RBM27: variants seen among roughly 807,000 people sequenced by gnomAD.
RBM27 encodes the protein RNA-binding protein 27.
RBM27 carries 22 observed loss-of-function variants against 135.3 expected under a neutral mutation model. The ratio of observed to expected loss-of-function variants is 0.16; its 90% CI spans 0.12 to 0.23. The LOEUF (loss-of-function observed/expected upper bound fraction) is 0.23. RBM27 is among the 10% of genes least tolerant of loss of function. The pLI, the probability that RBM27 is intolerant of heterozygous loss-of-function variation, is 1.00. For missense variants in RBM27, 1,009 were observed against 1,281.0 expected (o/e 0.79, Z 3.24); for synonymous variants, 481 against 442.4 (o/e 1.09, Z -1.10).
chr5:146,233,265 A>G (rs1757015155), intron 6 of RBM27, among the ~76,000 whole-genome samples, 185 bp from the exon 7 acceptor site: 1 of 152,222 alleles, frequency 6.6e-6, no homozygotes, highest in South Asian at 2.1e-4. Context: ...TGTAAAAAGT[A>G]GAGAGTACAT....
At chr5:146,275,465 A>G (rs1428679275) in intron 19 of RBM27, among the ~76,000 whole-genome samples, 2 of 151,778 alleles carry the variant, frequency 1.3e-5, no homozygotes, top group Non-Finnish European at 2.9e-5. Flanking sequence ...GACGGGTTTC[A>G]CCATGTTGGC....
intron 1 of RBM27, among the ~76,000 whole-genome samples, chr5:146,207,149 T>C (rs935624376): frequency 2.6e-5 from 4 of 152,234 alleles, no homozygotes; most frequent in African/African-American, 7.2e-5. Context: ...TCAGAGCAGT[T>C]GCTAGGCTTT....
chr5:146,249,296 T>G (rs1043197340), intron 8 of RBM27, among the ~76,000 whole-genome samples: 4 of 152,166 alleles, frequency 2.6e-5, no homozygotes, highest in Non-Finnish European at 5.9e-5. Context: ...TTTTTCTCTT[T>G]AACATACTAC....
At chr5:146,228,139 C>CT (rs1287155580) in intron 3 of RBM27, among the ~76,000 whole-genome samples, 1 of 152,070 alleles carries the variant, frequency 6.6e-6, no homozygotes, top group African/African-American at 2.4e-5. Context: ...ATCTGAGCAT[C>CT]TTTTTTATTT....
At chr5:146,267,621 G>C (rs764571417) in intron 14 of RBM27, 28 bp from the exon 15 acceptor site, 1 of 1,370,108 alleles carries the variant, frequency 7.3e-7, no homozygotes, top group African/African-American at 1.5e-5. Context: ...ATATTTGTGT[G>C]TGCTTTTTTT....
In RBM27 at chr5:146,215,563, C is replaced by G. The variant is rs545491962; in HGVS notation, c.60-3422C>G. On this transcript the variant is annotated intron_variant, in intron 1 of 20. Coordinates refer to ENST00000265271, the MANE Select transcript of RBM27 (RefSeq NM_018989.2). Reference sequence around the variant, plus strand: ...GTCCTTTTCTTCTGTGTTAGACTACCCTTATCCAAGAACTAAACTTTTTAA... The same window carrying G: ...GTCCTTTTCTTCTGTGTTAGACTACGCTTATCCAAGAACTAAACTTTTTAA... 7.2e-5 allele frequency among the ~76,000 whole-genome samples: 11 copies of G among 152,170 alleles called. No homozygotes were observed. The East Asian group carries it at 1.7e-3, about 24-fold the overall frequency.
chr5:146,222,501 T>TG (rs1756500997), intron 2 of RBM27, among the ~76,000 whole-genome samples: 1 of 151,988 alleles, frequency 6.6e-6, no homozygotes, highest in Non-Finnish European at 1.5e-5. Context: ...TTGGCCAACA[T>TG]GGTGAAACCC....
At chr5:146,282,400 C>T (rs986154123) in intron 19 of RBM27, among the ~76,000 whole-genome samples, 10 of 152,212 alleles carry the variant, frequency 6.6e-5, no homozygotes, top group Admixed American at 6.5e-4. Context: ...TACACATGTA[C>T]ACACCATTTC....
At chr5:146,216,684 G>A (rs981755531) in intron 1 of RBM27, among the ~76,000 whole-genome samples, 4 of 151,978 alleles carry the variant, frequency 2.6e-5, no homozygotes, top group African/African-American at 9.7e-5. Context: ...TTGAGACAGG[G>A]TCTCACTGTG....
At chr5:146,227,030 T>A (rs1014213178) in intron 3 of RBM27, among the ~76,000 whole-genome samples, 10 of 152,210 alleles carry the variant, frequency 6.6e-5, no homozygotes, top group Non-Finnish European at 1.3e-4. Flanking sequence ...GAACAGGGTA[T>A]AGAGAAGCAA....
At chr5:146,238,917 C>T (rs1232780975) in intron 8 of RBM27, among the ~76,000 whole-genome samples, 1 of 152,122 alleles carries the variant, frequency 6.6e-6, no homozygotes, top group African/African-American at 2.4e-5. Flanking sequence ...AATATTACCT[C>T]ATTAAGGTTG....
chr5:146,236,930 CTTTTTTTTTT>C (rs36073661), intron 7 of RBM27, among the ~76,000 whole-genome samples: 5 of 47,166 alleles, frequency 1.1e-4, no homozygotes, highest in African/African-American at 1.5e-4. Flanking sequence ...TATGATGGTC[CTTTTTTTTTT>C]TTTTTTTTTT....
chr5:146,224,759 G>A (rs1247994473), intron 3 of RBM27, among the ~76,000 whole-genome samples: 2 of 151,832 alleles, frequency 1.3e-5, no homozygotes, highest in South Asian at 2.1e-4. Context: ...TTTTCTTTTC[G>A]ATGGAGTTGG....
Position 146,230,870 on chromosome 5 carries a change from C to G in RBM27, c.803C>G (p.Ser268Cys), listed in dbSNP as rs1265126131. 1.2e-6 allele frequency: 2 copies of G among 1,614,150 alleles called. No homozygotes were observed. The highest frequency in any genetic ancestry group is 8.5e-7 in the Non-Finnish European group (1 of 1,180,030). ...TATAACAATCATAGCTCTTCCAATT[C>G]TTTTGGTCGAAACCTACCACCAAAG... ...NYYNNHSSSNSFGRNLPPKRR... is the reference protein window; with the variant it reads ...NYYNNHSSSNCFGRNLPPKRR... The change falls in exon 6 of 21, where the codon TCT (serine) becomes TGT (cysteine). Residue 268 changes from serine to cysteine, a missense_variant. By Grantham distance (112) the Ser-to-Cys change is moderately radical. This residue lies in a region of RBM27 where 268 missense variants were observed against 326.6 expected (regional missense o/e 0.82). Transcript: ENST00000265271.
intron 3 of RBM27, among the ~76,000 whole-genome samples, chr5:146,228,087 C>T (rs1756754171): frequency 6.6e-6 from 1 of 152,112 alleles, no homozygotes; most frequent in Admixed American, 6.6e-5. Context: ...CTACCATTCC[C>T]TACTTTAACA....
intron 8 of RBM27, among the ~76,000 whole-genome samples, chr5:146,243,069 C>T (rs1581186774): frequency 6.6e-6 from 1 of 151,808 alleles, no homozygotes; most frequent in Admixed American, 6.6e-5. Context: ...AGTTTGAGAC[C>T]AGCGTGGTCA....
chr5:146,257,381 A>G (rs570885836), intron 10 of RBM27, among the ~76,000 whole-genome samples: 17 of 152,342 alleles, frequency 1.1e-4, no homozygotes, highest in South Asian at 6.2e-4. Context: ...CTGCCAATTT[A>G]TAGTATTGGC....
At chr5:146,256,009 C>G (rs1758084211) in intron 10 of RBM27, among the ~76,000 whole-genome samples, 4 of 151,640 alleles carry the variant, frequency 2.6e-5, no homozygotes. Flanking sequence ...GCATGTGCCA[C>G]CATGCCTGGC....
chr5:146,241,980 AG>A (rs1757425488), intron 8 of RBM27, among the ~76,000 whole-genome samples: 3 of 152,018 alleles, frequency 2.0e-5, no homozygotes, highest in African/African-American at 7.2e-5. Flanking sequence ...TAGTAGGCAC[AG>A]GTTCTTGCTT....
Sources: allele counts gnomAD v4.1 joint callset (sites outside exome capture counted in the v4.1 genomes callset), GRCh38; gene constraint gnomAD v4.1.1; regional missense constraint gnomAD v4.1.1; transcripts MANE v1.5; gene names NCBI Gene and HGNC (gene_info 2026-07-23, HGNC 2026-07-21).